Variants in ROBO2 observed in about 807,000 individuals in gnomAD.
ROBO2 encodes roundabout homolog 2.
In ROBO2, 53 loss-of-function variants were observed where a neutral mutation model predicts 160.8. That is an observed-to-expected ratio of 0.33 (90% CI 0.26 to 0.41). The LOEUF (loss-of-function observed/expected upper bound fraction) is 0.41. Among genes scored for constraint, ROBO2 ranks in the 10% least tolerant of loss-of-function variants. The pLI is 1.00. For missense variants in ROBO2, 1,577 were observed against 1,722.4 expected, an observed-to-expected ratio of 0.92 and a Z score of 1.49; for synonymous variants, 664 against 611.7, an observed-to-expected ratio of 1.09 and a Z score of -1.26.
At chr3:76,377,628 A>G (rs897158140) in intron 2 of ROBO2, among the ~76,000 whole-genome samples, 1 of 152,134 alleles carries the variant, frequency 6.6e-6, no homozygotes, top group Non-Finnish European at 1.5e-5. Context: ...CACTTCAGCG[A>G]ATGCTCTCCC....
At chr3:75,939,608 A>G (rs1420566824) in intron 2 of ROBO2, among the ~76,000 whole-genome samples, 1 of 152,190 alleles carries the variant, frequency 6.6e-6, no homozygotes, top group Admixed American at 6.6e-5. Context: ...ATGCTTTGAT[A>G]TTATGATTCA....
intron 2 of ROBO2, among the ~76,000 whole-genome samples, chr3:76,940,203 C>T (rs1039318552): frequency 6.6e-6 from 1 of 151,972 alleles, no homozygotes; most frequent in Non-Finnish European, 1.5e-5. Context: ...AGGATGGTCT[C>T]GATCTCTTGA....
At chr3:77,251,180 C>T (rs975796056) in intron 2 of ROBO2, among the ~76,000 whole-genome samples, 6 of 152,134 alleles carry the variant, frequency 3.9e-5, no homozygotes, top group African/African-American at 1.2e-4. Flanking sequence ...CTGTCTGATA[C>T]GTCCTTGGAA....
chr3:76,312,376 C>A lies in ROBO2; in HGVS notation c.109+374774C>A, dbSNP rs191172294. ...AACAAGAAGTTTTAAAAATGTACCA[C>A]AATATCTCAGCAGGATTTTCTAAAT... On this transcript the variant is annotated intron_variant, in intron 2 of 26. Coordinates refer to the ROBO2 transcript ENST00000487694. Among the ~76,000 whole-genome samples, 414 of 152,272 alleles carry A rather than the reference C, an allele frequency of 2.7e-3. 2 individuals are homozygous for A. The highest frequency in any genetic ancestry group is 5.0e-3 in the Non-Finnish European group (343 of 68,032).
At chr3:76,918,212 C>T (rs2076442078) in intron 2 of ROBO2, among the ~76,000 whole-genome samples, 1 of 152,204 alleles carries the variant, frequency 6.6e-6, no homozygotes, top group Non-Finnish European at 1.5e-5. Context: ...ACGTGCCGGT[C>T]ATTGGATCAC....
At chr3:77,162,671 T>C (rs1464678570) in intron 2 of ROBO2, among the ~76,000 whole-genome samples, 1 of 152,150 alleles carries the variant, frequency 6.6e-6, no homozygotes, top group African/African-American at 2.4e-5. Context: ...ATGAATCAAA[T>C]AACGTATGCT....
chr3:76,037,487 C>G (rs1010618528), intron 2 of ROBO2, among the ~76,000 whole-genome samples: 3 of 151,792 alleles, frequency 2.0e-5, no homozygotes, highest in African/African-American at 7.3e-5. Context: ...GAACTCCTGA[C>G]CTCGTGATCT....
chr3:77,585,119 G>A (rs1387787331), intron 16 of ROBO2, among the ~76,000 whole-genome samples: 5 of 150,930 alleles, frequency 3.3e-5, no homozygotes, highest in East Asian at 1.9e-4. Flanking sequence ...GTCAAATAAC[G>A]TATTTTCCTT....
At chr3:76,621,841 A>G (rs1457631148) in intron 2 of ROBO2, among the ~76,000 whole-genome samples, 1 of 152,218 alleles carries the variant, frequency 6.6e-6, no homozygotes, top group Non-Finnish European at 1.5e-5. Flanking sequence ...GCAGTAATGC[A>G]TAATAAAATG....
At chr3:75,965,876 A>G (rs926294795) in intron 2 of ROBO2, among the ~76,000 whole-genome samples, 29 of 151,864 alleles carry the variant, frequency 1.9e-4, no homozygotes, top group African/African-American at 6.7e-4. Context: ...AGAAATTAAT[A>G]TATTAAAGTA....
At chr3:75,953,056 A>G (rs1948606439) in intron 2 of ROBO2, among the ~76,000 whole-genome samples, 1 of 151,936 alleles carries the variant, frequency 6.6e-6, no homozygotes, top group African/African-American at 2.4e-5. Context: ...GTGATCATGA[A>G]TAAGGCTCCT....
intron 2 of ROBO2, among the ~76,000 whole-genome samples, chr3:75,942,806 AT>A (rs1948115877): frequency 1.3e-5 from 2 of 152,146 alleles, no homozygotes; most frequent in Non-Finnish European, 2.9e-5. Context: ...TATACTTTTG[AT>A]TTCCTTGTCT....
chr3:77,120,856 A>G (rs6785761), intron 2 of ROBO2, among the ~76,000 whole-genome samples: 30,445 of 152,184 alleles, frequency 0.2, 4,656 homozygotes, highest in African/African-American at 0.42. Context: ...AGCTTTGTTT[A>G]CCATACTCCT....
chr3:77,288,164 C>T (rs2119746), intron 2 of ROBO2, among the ~76,000 whole-genome samples: 320 of 152,046 alleles, frequency 2.1e-3, no homozygotes, highest in Admixed American at 3.5e-3. Flanking sequence ...CAAAATTGAC[C>T]GAGCATGAAA....
chr3:76,164,410 C>G (rs2072749430), intron 2 of ROBO2, among the ~76,000 whole-genome samples: 1 of 152,164 alleles, frequency 6.6e-6, no homozygotes, highest in Admixed American at 6.5e-5. Context: ...TTACTTTGCC[C>G]AGATCCATTA....
At chr3:77,004,500 A>G (rs936406448) in intron 2 of ROBO2, among the ~76,000 whole-genome samples, 2 of 152,194 alleles carry the variant, frequency 1.3e-5, no homozygotes, top group Non-Finnish European at 2.9e-5. Context: ...CTGTTAGGTC[A>G]GTCACTTGCC....
At chr3:76,843,651 T>C (rs1185013874) in intron 2 of ROBO2, among the ~76,000 whole-genome samples, 1 of 152,074 alleles carries the variant, frequency 6.6e-6, no homozygotes, top group Non-Finnish European at 1.5e-5. Flanking sequence ...TAGGACCTTG[T>C]TGCTACTCAG....
intron 2 of ROBO2, among the ~76,000 whole-genome samples, chr3:77,165,424 C>G (rs563675819): frequency 1.3e-5 from 2 of 148,308 alleles, no homozygotes; most frequent in East Asian, 2.0e-4. Context: ...ACAAACACTG[C>G]GGAAGGCCGC....
intron 1 of ROBO2, among the ~76,000 whole-genome samples, chr3:75,907,261 G>A (rs1946387853): frequency 6.6e-6 from 1 of 152,108 alleles, no homozygotes; most frequent in South Asian, 2.1e-4. Flanking sequence ...TTGGTTTCCC[G>A]GATGCCCTTT....
Sources: allele counts gnomAD v4.1 joint callset (sites outside exome capture counted in the v4.1 genomes callset), GRCh38; gene constraint gnomAD v4.1.1; transcripts MANE v1.5; gene names NCBI Gene and HGNC (gene_info 2026-07-23, HGNC 2026-07-21).